USH2A: variants seen among roughly 807,000 people sequenced by gnomAD.
The protein encoded by USH2A is Usher syndrome 2A (autosomal recessive, mild).
In USH2A, 443 loss-of-function variants were observed where a neutral mutation model predicts 538.9. The observed-to-expected ratio is 0.82, with a 90% CI of 0.76 to 0.89. USH2A has a LOEUF of 0.89. USH2A is among the 40% of genes least tolerant of loss of function. USH2A has a pLI of 0.00. For synonymous variants in USH2A, 2,413 were observed against 2,273.5 expected, an observed-to-expected ratio of 1.06 and a Z score of -1.75; for missense variants, 6,633 against 6,324.8, an observed-to-expected ratio of 1.05 and a Z score of -1.65.
chr1:216,308,221 T>C (rs2037353248), intron 9 of USH2A, among the ~76,000 whole-genome samples: 1 of 152,242 alleles, frequency 6.6e-6, no homozygotes, highest in South Asian at 2.1e-4. Flanking sequence ...CTGGTCATGT[T>C]GATGTGATAG....
intron 9 of USH2A, among the ~76,000 whole-genome samples, chr1:216,298,697 A>G (rs979681452): frequency 1.3e-5 from 2 of 152,204 alleles, no homozygotes; most frequent in African/African-American, 4.8e-5. Context: ...TTAGATTATG[A>G]TAATACCAGG....
chr1:216,138,221 G>A (rs1402569937), intron 21 of USH2A, among the ~76,000 whole-genome samples: 1 of 152,126 alleles, frequency 6.6e-6, no homozygotes, highest in Admixed American at 6.5e-5. Context: ...TTAGGATAAT[G>A]GCCGGTACAC....
chr1:215,727,147 A>C lies in USH2A; in HGVS notation c.12066+883T>G, dbSNP rs1458399154. ...ATCACCAGTAAGCCATAGTGTATGCAACTTTGTGTATGTGTGTGTGTGTAT... is the reference window on the plus strand; with the variant it reads ...ATCACCAGTAAGCCATAGTGTATGCCACTTTGTGTATGTGTGTGTGTGTAT... On this transcript the variant is annotated intron_variant, in intron 61 of 71. Transcript: ENST00000307340. Among the ~76,000 whole-genome samples, 3 of 152,288 alleles carry C rather than the reference A, an allele frequency of 2.0e-5. No individual in the cohort carries two copies. In the East Asian group the frequency reaches 5.8e-4, roughly 29 times the overall value.
chr1:216,406,656 G>T (rs963727208), intron 3 of USH2A, among the ~76,000 whole-genome samples: 1 of 152,066 alleles, frequency 6.6e-6, no homozygotes, highest in Admixed American at 6.6e-5. Flanking sequence ...ATTGTTGCAG[G>T]TATTTCAGAG....
intron 9 of USH2A, among the ~76,000 whole-genome samples, chr1:216,318,653 T>G (rs777596607): frequency 2.0e-5 from 3 of 152,220 alleles, no homozygotes; most frequent in Non-Finnish European, 4.4e-5. Context: ...GCTAAATTCA[T>G]AAACTATCAA....
At chr1:216,199,332 G>A (rs1435987298) in intron 17 of USH2A, among the ~76,000 whole-genome samples, 1 of 152,056 alleles carries the variant, frequency 6.6e-6, no homozygotes, top group Admixed American at 6.6e-5. Context: ...TTTCATAAGT[G>A]AGTTTCAAAT....
At chr1:216,049,912 G>T (rs11120727) in intron 30 of USH2A, among the ~76,000 whole-genome samples, 1 of 152,028 alleles carries the variant, frequency 6.6e-6, no homozygotes, top group Non-Finnish European at 1.5e-5. Context: ...ACTTGGCACC[G>T]TCATCTTAGC....
intron 40 of USH2A, among the ~76,000 whole-genome samples, chr1:215,898,128 C>A (rs547010797): frequency 7.2e-5 from 11 of 152,290 alleles, no homozygotes. Context: ...ATGTATGTGA[C>A]TTCACAGTGT....
intron 44 of USH2A, among the ~76,000 whole-genome samples, chr1:215,856,436 AC>A (rs1664168598): frequency 1.3e-5 from 2 of 152,174 alleles, no homozygotes; most frequent in African/African-American, 4.8e-5. Flanking sequence ...TGGCCAAAAA[AC>A]ATATGAAAAA....
At chr1:215,737,006 A>T (rs1315532775) in intron 60 of USH2A, among the ~76,000 whole-genome samples, 2 of 152,018 alleles carry the variant, frequency 1.3e-5, no homozygotes, top group African/African-American at 4.8e-5. Context: ...ACTTACCGTA[A>T]GAATATTTAT....
chr1:215,698,391 A>C (rs989228794), intron 61 of USH2A, among the ~76,000 whole-genome samples: 1 of 152,176 alleles, frequency 6.6e-6, no homozygotes, highest in Non-Finnish European at 1.5e-5. Context: ...TCCTTGAGGA[A>C]TCACCACACT....
intron 61 of USH2A, among the ~76,000 whole-genome samples, chr1:215,686,870 T>C (rs1325170206): frequency 6.6e-6 from 1 of 152,138 alleles, no homozygotes; most frequent in Non-Finnish European, 1.5e-5. Context: ...ATTTCAAAAT[T>C]TGTAATTATT....
rs747165222 is a variant in USH2A at position 215,845,928 on chromosome 1, A to G, written c.8951T>C (p.Ile2984Thr). ...CTCTGTGTTTGGCTTTAGGTGGCCAATGACATGAGAGTTTACATCTGGCAA... is the reference window on the plus strand; with the variant it reads ...CTCTGTGTTTGGCTTTAGGTGGCCAGTGACATGAGAGTTTACATCTGGCAA... The part of the protein sequence containing the change: ...KILPDVNSHV[I>T]GHLKPNTEYW... Residue 2984 changes from isoleucine to threonine, a missense_variant, in exon 45 of 72, where the codon ATT becomes ACT. By Grantham distance (89) the Ile-to-Thr change is moderately conservative (BLOSUM62 -1). Coordinates refer to ENST00000307340, the MANE Select transcript of USH2A (RefSeq NM_206933.4). The G allele has an allele frequency of 5.6e-6, 9 of 1,613,946 alleles. No homozygotes were observed. Among genetic ancestry groups the G allele is most frequent in the Middle Eastern group, 1.7e-4 (1 of 6,058 alleles).
At chr1:215,828,842 T>C (rs1273985844) in intron 47 of USH2A, among the ~76,000 whole-genome samples, 1 of 152,220 alleles carries the variant, frequency 6.6e-6, no homozygotes, top group East Asian at 1.9e-4. Context: ...ATTTTCTTAG[T>C]GTCTCCATTT....
chr1:216,162,121 T>C (rs2034070884), intron 21 of USH2A, among the ~76,000 whole-genome samples: 1 of 152,040 alleles, frequency 6.6e-6, no homozygotes, highest in Non-Finnish European at 1.5e-5. Flanking sequence ...TTCTACAATA[T>C]TACTATTGTC....
chr1:216,333,276 A>G (rs2037904775), intron 4 of USH2A, among the ~76,000 whole-genome samples: 1 of 151,974 alleles, frequency 6.6e-6, no homozygotes, highest in Non-Finnish European at 1.5e-5. Flanking sequence ...ACCTCATTTC[A>G]TCAAAAAAAG....
intron 23 of USH2A, among the ~76,000 whole-genome samples, chr1:216,087,815 T>C (rs1238028794): frequency 1.3e-5 from 2 of 152,178 alleles, no homozygotes; most frequent in East Asian, 1.9e-4. Context: ...GTCTGAATTA[T>C]TACAGAGTTA....
chr1:216,091,230 A>T (rs1465292524), intron 22 of USH2A, among the ~76,000 whole-genome samples: 1 of 152,208 alleles, frequency 6.6e-6, no homozygotes, highest in Non-Finnish European at 1.5e-5. Context: ...CACATTCAAT[A>T]GATGCTATTC....
At chr1:216,051,821 C>A (rs765195330) in intron 30 of USH2A, among the ~76,000 whole-genome samples, 11 of 152,182 alleles carry the variant, frequency 7.2e-5, no homozygotes, top group African/African-American at 1.7e-4. Context: ...AATATAAAAG[C>A]AGCTCTATGA....
Sources: gnomAD v4.1 joint callset for allele counts (sites outside exome capture counted in the v4.1 genomes callset) on GRCh38, gnomAD v4.1.1 for gene constraint, MANE v1.5 for transcripts, NCBI Gene and HGNC (gene_info 2026-07-23, HGNC 2026-07-21) for gene names.